MPP7: variants seen among roughly 807,000 people sequenced by gnomAD.
The protein encoded by MPP7 is MAGUK p55 subfamily member 7.
In MPP7, 60 loss-of-function variants were observed where a neutral mutation model predicts 76.5. That is an observed-to-expected ratio of 0.78 (90% CI 0.64 to 0.97). MPP7 has a LOEUF of 0.97. Ranked by LOEUF, MPP7 falls within the 50% of genes least tolerant of loss-of-function variation. The pLI, the probability that MPP7 is intolerant of heterozygous loss-of-function variation, is 0.00. For missense variants in MPP7, 641 were observed against 694.0 expected (o/e 0.92, Z 0.86); for synonymous variants, 237 against 244.5 (o/e 0.97, Z 0.29).
At chr10:28,275,410 C>CTT (rs111692769) in intron 1 of MPP7, among the ~76,000 whole-genome samples, 10 of 141,662 alleles carry the variant, frequency 7.1e-5, no homozygotes, top group Admixed American at 7.1e-5. Flanking sequence ...CCTAATATTT[C>CTT]TTTTTTTTTT....
intron 13 of MPP7, among the ~76,000 whole-genome samples, chr10:28,065,806 A>G (rs759666015): frequency 1.3e-5 from 2 of 152,194 alleles, no homozygotes; most frequent in African/African-American, 4.8e-5. Flanking sequence ...AAACCTACAA[A>G]AACACAAAAA....
At chr10:28,079,641 A>G (rs1328351855) in intron 12 of MPP7, among the ~76,000 whole-genome samples, 2 of 152,174 alleles carry the variant, frequency 1.3e-5, no homozygotes, top group African/African-American at 4.8e-5. Context: ...TATACTGACA[A>G]AAAAACAAAA....
At chr10:28,167,217 AC>A (rs1836503621) in intron 3 of MPP7, among the ~76,000 whole-genome samples, 1 of 152,108 alleles carries the variant, frequency 6.6e-6, no homozygotes, top group African/African-American at 2.4e-5. Flanking sequence ...AGGCTGAGGC[AC>A]AAGAATCACT....
intron 2 of MPP7, among the ~76,000 whole-genome samples, chr10:28,223,484 A>G (rs1015150054): frequency 5.9e-5 from 9 of 152,194 alleles, no homozygotes; most frequent in Non-Finnish European, 1.3e-4. Flanking sequence ...ATCTCATTCC[A>G]TCATCGTTGC....
intron 12 of MPP7, among the ~76,000 whole-genome samples, chr10:28,070,115 A>G (rs1852169411): frequency 6.6e-6 from 1 of 152,200 alleles, no homozygotes; most frequent in South Asian, 2.1e-4. Context: ...TAGAGTATTT[A>G]GGCTGGATGT....
chr10:28,058,655 G>A (rs771323999), intron 14 of MPP7, 52 bp from the exon 15 acceptor site: 5 of 989,148 alleles, frequency 5.1e-6, no homozygotes, highest in Non-Finnish European at 7.4e-6. Context: ...AACAATTATA[G>A]GTGGCAAGAT....
At chr10:28,262,202 TATATAC>T (rs1157881890) in intron 1 of MPP7, among the ~76,000 whole-genome samples, 4 of 14,930 alleles carry the variant, frequency 2.7e-4, no homozygotes, top group African/African-American at 6.6e-4. Flanking sequence ...TATATATATA[TATATAC>T]ATATATATAT....
At chr10:28,068,333 G>A (rs1852075945) in intron 13 of MPP7, among the ~76,000 whole-genome samples, 1 of 151,746 alleles carries the variant, frequency 6.6e-6, no homozygotes, top group Non-Finnish European at 1.5e-5. Flanking sequence ...AGGAACTTGA[G>A]GTCACAGAAA....
intron 1 of MPP7, among the ~76,000 whole-genome samples, chr10:28,248,431 C>T (rs925453773): frequency 1.5e-4 from 23 of 152,130 alleles, no homozygotes; most frequent in African/African-American, 5.3e-4. Context: ...TGCACTCCGA[C>T]GCGGCTCAAG....
rs1852160350 is a variant in MPP7, at chr10:28,069,969, TAA to T, written c.1124-119_1124-118del. 3.2e-5 allele frequency: 22 copies of T among 682,600 alleles called. 1 individual carries two copies. In the South Asian group the frequency reaches 3.9e-4, roughly 12 times the overall value. The allele number at this position is 682,600 out of a possible 1,614,324, so 42.3% of individuals were successfully genotyped here. ...CATGGATCCAGCTTTGCATCCTAAG[TAA>T]AGAGATTATTTTCTGTTAACTTGAA... is the stretch of plus-strand genomic sequence containing the variant. On this transcript the variant is annotated intron_variant, in intron 12 of 16. Transcript: ENST00000683449.
chr10:28,325,975 CAAAAAAA>C (rs71281552), intron 2 of MPP7, among the ~76,000 whole-genome samples: 3 of 96,378 alleles, frequency 3.1e-5, no homozygotes, highest in Non-Finnish European at 4.2e-5. Context: ...GACCTCATCT[CAAAAAAA>C]AAAAAAAAAA....
At chr10:28,288,434 TCTCA>T (rs1840835903) in intron 1 of MPP7, among the ~76,000 whole-genome samples, 1 of 152,140 alleles carries the variant, frequency 6.6e-6, no homozygotes, top group Non-Finnish European at 1.5e-5. Flanking sequence ...AGAGACAAAG[TCTCA>T]CTATGTTGCC....
chr10:28,312,364 A>G (rs1249419), intron 2 of MPP7, among the ~76,000 whole-genome samples: 16,687 of 152,084 alleles, frequency 0.11, 1,252 homozygotes, highest in African/African-American at 0.2. Context: ...TGATTCGTGC[A>G]TTTTACAATC....
chr10:28,210,089 G>A (rs1288227948), intron 2 of MPP7, among the ~76,000 whole-genome samples: 1 of 152,106 alleles, frequency 6.6e-6, no homozygotes, highest in Admixed American at 6.6e-5. Context: ...TTATACTGCA[G>A]CCCTTTCCCT....
rs149575336 is a variant in MPP7 at position 28,331,677 on chromosome 10, C to T, written c.-205-1675G>A. Among the ~76,000 whole-genome samples the T allele has an allele frequency of 1.7e-3, 261 of 152,148 alleles. 1 individual carries two copies. The highest frequency in any genetic ancestry group is 6.0e-3 in the African/African-American group (247 of 41,508). On this transcript the variant is annotated intron_variant, in intron 1 of 11. Transcript: ENST00000441595. ...GCAAGCTCCACCTCCAGGGTTCAAG[C>T]GATTCTTGTGCTTCAGTTTCCTGAG...
chr10:28,055,619 T>C (rs1851523883), intron 16 of MPP7, among the ~76,000 whole-genome samples: 1 of 152,190 alleles, frequency 6.6e-6, no homozygotes, highest in Non-Finnish European at 1.5e-5. Flanking sequence ...ACAAATATTA[T>C]TGCTGAATAA....
chr10:28,295,036 G>A (rs1340645082), intron 1 of MPP7, among the ~76,000 whole-genome samples: 2 of 152,066 alleles, frequency 1.3e-5, no homozygotes, highest in African/African-American at 2.4e-5. Context: ...AATGCAAATC[G>A]CCAGGACCTC....
chr10:28,158,984 C>T lies in MPP7; in HGVS notation c.157-8925G>A, dbSNP rs552483493. Among the ~76,000 whole-genome samples the T allele has an allele frequency of 3.8e-3, 586 of 152,268 alleles. 3 individuals are homozygous for T. Among genetic ancestry groups the T allele is most frequent in the Non-Finnish European group, 6.4e-3 (432 of 68,016 alleles). On this transcript the variant is annotated intron_variant, in intron 3 of 16. Coordinates refer to ENST00000683449, the MANE Select transcript of MPP7 (RefSeq NM_001318170.2). Reference sequence around the variant, plus strand: ...GGAGTAGGGGTAAAAGGAGAACACACTATCCCCCATCCCCAAGCCAACTCC... The same window carrying T: ...GGAGTAGGGGTAAAAGGAGAACACATTATCCCCCATCCCCAAGCCAACTCC...
chr10:28,306,857 A>G (rs553511503), upstream of MPP7, among the ~76,000 whole-genome samples: 4 of 152,270 alleles, frequency 2.6e-5, no homozygotes, highest in African/African-American at 9.6e-5. Context: ...GAGGAACTCA[A>G]TGGAATTTTT....
Sources: gnomAD v4.1 joint callset for allele counts (sites outside exome capture counted in the v4.1 genomes callset) on GRCh38, gnomAD v4.1.1 for gene constraint, MANE v1.5 for transcripts, NCBI Gene and HGNC (gene_info 2026-07-23, HGNC 2026-07-21) for gene names.